The following ANO10 variants were observed in gnomAD, a reference collection of about 807,000 sequenced individuals.
The protein encoded by ANO10 is anoctamin 10, also known as anoctamin-10.
A neutral mutation model predicts 74.7 loss-of-function variants in ANO10; 77 were observed. That is an observed-to-expected ratio of 1.03 (90% CI 0.86 to 1.25). The LOEUF (loss-of-function observed/expected upper bound fraction) is 1.25. Ranked by LOEUF, ANO10 falls within the 50% of genes most tolerant of loss-of-function variation. The pLI is 0.00. For synonymous variants in ANO10, 279 were observed against 284.9 expected (o/e 0.98, Z 0.21); for missense variants, 721 against 778.1 (o/e 0.93, Z 0.87).
chr3:43,559,264 A>C (rs547781411), intron 9 of ANO10, among the ~76,000 whole-genome samples: 1 of 152,338 alleles, frequency 6.6e-6, no homozygotes, highest in African/African-American at 2.4e-5. Flanking sequence ...TGCTCAGATG[A>C]GGACTGTACT....
chr3:43,536,299 A>G (rs750484408), intron 11 of ANO10, among the ~76,000 whole-genome samples: 1 of 152,150 alleles, frequency 6.6e-6, no homozygotes, highest in Non-Finnish European at 1.5e-5. Flanking sequence ...AGAATTCTCA[A>G]TCACTCCCAG....
chr3:43,598,757 A>G, intron 3 of ANO10, 91 bp from the exon 4 acceptor site: 1 of 1,025,220 alleles, frequency 9.8e-7, no homozygotes, highest in Non-Finnish European at 1.4e-6. Flanking sequence ...GGTATAAACA[A>G]TAAGCAATTA....
rs571631228 is a variant in ANO10 at position 43,652,103 on chromosome 3, G to A, written c.-12+39414C>T. ...CCAACAGATTCAATGCAATCTATCA[G>A]AATCTTGGCCGCCTTTTTTTTTTTT... On this transcript the variant is annotated intron_variant, in intron 1 of 3. Coordinates refer to the ANO10 transcript ENST00000413397. Among the ~76,000 whole-genome samples, 95 of 148,382 alleles carry A rather than the reference G, an allele frequency of 6.4e-4. 2 individuals are homozygous for A. The South Asian group carries it at 0.02, about 31-fold the overall frequency.
At chr3:43,633,790 A>G (rs184819539) in intron 1 of ANO10, among the ~76,000 whole-genome samples, 238 of 152,160 alleles carry the variant, frequency 1.6e-3, no homozygotes, top group African/African-American at 5.5e-3. Flanking sequence ...AGCAGTCAGC[A>G]TGGGCTTCAT....
chr3:43,433,769 T>C (rs1329393101), intron 11 of ANO10, among the ~76,000 whole-genome samples: 1 of 152,212 alleles, frequency 6.6e-6, no homozygotes, highest in East Asian at 1.9e-4. Context: ...CTTCTCCGAA[T>C]CCAGATCATC....
At chr3:43,618,050 T>C (rs999949376) in intron 1 of ANO10, 6 of 152,194 alleles carry the variant, frequency 3.9e-5, no homozygotes, top group African/African-American at 1.2e-4. Context: ...GTGAGAGCAA[T>C]TGTGGGAGCC....
At chr3:43,441,431 A>T (rs1413550958) in intron 11 of ANO10, among the ~76,000 whole-genome samples, 1 of 152,086 alleles carries the variant, frequency 6.6e-6, no homozygotes, top group Admixed American at 6.6e-5. Context: ...ATGAATTCCT[A>T]GAAACATGCA....
chr3:43,648,673 CTTTTT>C (rs57098436), intron 1 of ANO10, among the ~76,000 whole-genome samples: 1 of 111,286 alleles, frequency 9.0e-6, no homozygotes, highest in Non-Finnish European at 1.8e-5. Flanking sequence ...TTTTAGCCCG[CTTTTT>C]TTTTTTTTTT....
chr3:43,653,746 A>T (rs2083814415), intron 1 of ANO10, among the ~76,000 whole-genome samples: 2 of 152,200 alleles, frequency 1.3e-5, no homozygotes, highest in Admixed American at 1.3e-4. Flanking sequence ...AGGATACTAG[A>T]GTGCCTACCC....
chr3:43,401,407 C>CGG (rs147932924), intron 12 of ANO10, among the ~76,000 whole-genome samples: 9 of 151,868 alleles, frequency 5.9e-5, no homozygotes, highest in Non-Finnish European at 7.4e-5. Context: ...TTTTAAAAGG[C>CGG]GGGGGGGAAA....
At chr3:43,372,696 A>AT (rs570935621) in intron 12 of ANO10, 62 of 672,054 alleles carry the variant, frequency 9.2e-5, no homozygotes, top group Middle Eastern at 3.1e-4. Context: ...TTGTTTGCAG[A>AT]TTTTTTTTCT....
At chr3:43,380,385 GCTAT>G (rs1445507812) in intron 12 of ANO10, among the ~76,000 whole-genome samples, 12 of 152,306 alleles carry the variant, frequency 7.9e-5, no homozygotes, top group African/African-American at 2.9e-4. Flanking sequence ...TAGTCATCAG[GCTAT>G]CTAAGGTCAA....
chr3:43,378,714 G>T (rs1354788811), intron 12 of ANO10, among the ~76,000 whole-genome samples: 1 of 152,128 alleles, frequency 6.6e-6, no homozygotes, highest in Non-Finnish European at 1.5e-5. Flanking sequence ...GGCTACCCCT[G>T]GGTGATGACG....
intron 4 of ANO10, among the ~76,000 whole-genome samples, chr3:43,583,850 G>A: frequency 6.6e-6 from 1 of 152,154 alleles, no homozygotes; most frequent in Non-Finnish European, 1.5e-5. Context: ...GCTATCATAA[G>A]GTTCTAAAAG....
chr3:43,567,139 A>G (rs1446781424), intron 7 of ANO10, among the ~76,000 whole-genome samples: 1 of 152,176 alleles, frequency 6.6e-6, no homozygotes, highest in Non-Finnish European at 1.5e-5. Flanking sequence ...GAGAAAAAAG[A>G]ATAAAAAGAA....
At chr3:43,554,406 T>G (rs1318095091) in intron 10 of ANO10, among the ~76,000 whole-genome samples, 1 of 152,100 alleles carries the variant, frequency 6.6e-6, no homozygotes, top group African/African-American at 2.4e-5. Context: ...TTGGCCAGGC[T>G]GGTCTCGAAC....
chr3:43,383,947 G>A (rs1052109655), intron 12 of ANO10, among the ~76,000 whole-genome samples: 12 of 152,030 alleles, frequency 7.9e-5, no homozygotes, highest in Non-Finnish European at 1.5e-4. Flanking sequence ...AGAAAGAAAG[G>A]GCATCCAAAT....
Position 43,672,807 on chromosome 3 carries a change from A to G in ANO10, c.-12+18710T>C, listed in dbSNP as rs564442398. Among the ~76,000 whole-genome samples, 4 of 152,296 alleles carry G rather than the reference A, an allele frequency of 2.6e-5. No homozygotes were observed. In the East Asian group the frequency reaches 5.8e-4, roughly 22 times the overall value. On this transcript the variant is annotated intron_variant, in intron 1 of 3. Coordinates refer to the ANO10 transcript ENST00000413397. The stretch of plus-strand genomic sequence containing the variant: ...TTTCCTACATTGATTTAAAGTAGAC[A>G]GTGGTATATTTATAAATCAGCTTTC...
intron 1 of ANO10, among the ~76,000 whole-genome samples, chr3:43,609,200 G>A (rs145124914): frequency 6.6e-6 from 1 of 152,192 alleles, no homozygotes; most frequent in African/African-American, 2.4e-5. Context: ...ATGATACACA[G>A]CTTAAAACTA....
Sources: gnomAD v4.1 joint callset for allele counts (sites outside exome capture counted in the v4.1 genomes callset) on GRCh38, gnomAD v4.1.1 for gene constraint, MANE v1.5 for transcripts, NCBI Gene and HGNC (gene_info 2026-07-23, HGNC 2026-07-21) for gene names.